The following TARDBP variants were observed in gnomAD, a reference collection of about 807,000 sequenced individuals.
The protein encoded by TARDBP is TAR DNA binding protein, also known as TAR DNA-binding protein 43.
Under a neutral mutation model 38.3 loss-of-function variants are expected in TARDBP, and 4 were observed. The ratio of observed to expected loss-of-function variants is 0.10; its 90% confidence interval spans 0.05 to 0.24. The LOEUF (loss-of-function observed/expected upper bound fraction) is 0.24, where lower values mean the gene tolerates loss of function less well. Among genes scored for constraint, TARDBP ranks in the 10% least tolerant of loss-of-function variants. TARDBP has a pLI of 1.00. For missense variants in TARDBP, 202 were observed against 521.9 expected (o/e 0.39, Z 5.97); for synonymous variants, 184 against 183.8 (o/e 1.00, Z -0.01).
chr1:11,013,723 A>G lies in TARDBP; in HGVS notation c.-5A>G, dbSNP rs200517396. The G allele has an allele frequency of 3.8e-6, 6 of 1,599,994 alleles. No homozygotes were observed. The Admixed American group carries it at 7.0e-5, about 19-fold the overall frequency. ...TATCTCTTTTCTCTTTAGGAAAAGT[A>G]AAAGATGTCTGAATATATTCGGGTA... is the stretch of plus-strand genomic sequence containing the variant. On this transcript the variant is annotated 5_prime_UTR_variant, in exon 2 of 6. Transcript: ENST00000240185.
At chr1:11,030,242 C>T (rs367583731), downstream of TARDBP, 1 of 1,612,608 alleles carries the variant, frequency 6.2e-7, no homozygotes, top group Middle Eastern at 1.6e-4. Context: ...GCCTCACACA[C>T]ATATTTACCT....
At chr1:11,030,307 T>C, downstream of TARDBP, 2 of 1,208,016 alleles carry the variant, frequency 1.7e-6, no homozygotes, top group Non-Finnish European at 1.2e-6. Flanking sequence ...TGGTTGTCAT[T>C]TGCTTGAATA....
intron 4 of TARDBP, chr1:11,019,283 T>C (rs1643588470): frequency 6.4e-6 from 2 of 312,322 alleles, no homozygotes; most frequent in African/African-American, 2.2e-5. Flanking sequence ...AAGAGATTGC[T>C]TATTTATTAA....
At position 11,025,069 on chromosome 1, in the gene TARDBP, A is replaced by G. The variant is rs533417171; in HGVS notation, c.*2415A>G. 5.9e-5 allele frequency: 9 copies of G among 152,596 alleles called. No individual in the cohort carries two copies. The highest frequency in any genetic ancestry group is 2.1e-4 in the South Asian group (1 of 4,826). 9.5% of individuals were successfully genotyped at this position (152,596 alleles called of 1,614,324 possible). A position where few individuals can be genotyped will look rare whatever the true frequency, so the allele number is the denominator to read the frequency against. On this transcript the variant is annotated 3_prime_UTR_variant, in exon 6 of 6. Coordinates refer to ENST00000240185, the MANE Select transcript of TARDBP (RefSeq NM_007375.4). The stretch of plus-strand genomic sequence containing the variant: ...TTTTTTTTTCTGCATCTGAATCTGC[A>G]TGATTTCCAAACCCTGTACCATCTG...
At chr1:11,013,350 C>T (rs1406290845) in intron 1 of TARDBP, among the ~76,000 whole-genome samples, 2 of 152,360 alleles carry the variant, frequency 1.3e-5, no homozygotes, top group East Asian at 1.9e-4. Flanking sequence ...TCCTCCTCTG[C>T]CTTCAGGATT....
chr1:11,014,980 G>C (rs533488620), intron 2 of TARDBP, among the ~76,000 whole-genome samples: 1 of 151,908 alleles, frequency 6.6e-6, no homozygotes, highest in Non-Finnish European at 1.5e-5. Context: ...GGTGGCGGGG[G>C]CCTGTAGTCC....
At chr1:11,014,255 T>C (rs1570712594) in intron 2 of TARDBP, among the ~76,000 whole-genome samples, 2 of 152,370 alleles carry the variant, frequency 1.3e-5, no homozygotes, top group East Asian at 3.9e-4. Flanking sequence ...TAAATCATTG[T>C]TGTAAATAGA....
downstream of TARDBP, chr1:11,027,441 A>G: frequency 6.2e-7 from 1 of 1,614,166 alleles, no homozygotes; most frequent in Non-Finnish European, 8.5e-7. Flanking sequence ...TAGTCTTTTC[A>G]GGGTGCCCAT....
downstream of TARDBP, chr1:11,030,020 G>A (rs367627703): frequency 5.7e-5 from 33 of 577,920 alleles, 1 homozygote; most frequent in Middle Eastern, 6.3e-4. Context: ...TATGGGAAGG[G>A]GGTAATGAGA....
chr1:11,012,758 C>G lies in TARDBP; in HGVS notation c.-13+15C>G, dbSNP rs1020614345. On this transcript the variant is annotated intron_variant, in intron 1 of 5. Coordinates refer to ENST00000240185, the MANE Select transcript of TARDBP (RefSeq NM_007375.4). ...CGGCCTAGCGGGTGAGTCGCGGAGC[C>G]TTCTCACTGAGGACGCCGTAGGTGC... 6.6e-6 allele frequency: 1 copy of G among 152,322 alleles called. No homozygotes were observed. The highest frequency in any genetic ancestry group is 1.5e-5 in the Non-Finnish European group (1 of 68,100). The allele number at this position is 152,322 out of a possible 1,614,324, so 9.4% of individuals were successfully genotyped here. A position where few individuals can be genotyped will look rare whatever the true frequency, so the allele number is the denominator to read the frequency against.
intron 2 of TARDBP, among the ~76,000 whole-genome samples, chr1:11,015,293 C>G (rs1643498459): frequency 6.6e-6 from 1 of 151,592 alleles, no homozygotes; most frequent in Non-Finnish European, 1.5e-5. Context: ...CAAGACCACC[C>G]TAGCCAACAT....
downstream of TARDBP, chr1:11,027,532 G>T: frequency 6.2e-7 from 1 of 1,614,148 alleles, no homozygotes. Context: ...TCATATAAAA[G>T]TGCACCTGCT....
intron 1 of TARDBP, among the ~76,000 whole-genome samples, chr1:11,013,049 C>T (rs1014975333): frequency 6.6e-6 from 1 of 152,236 alleles, no homozygotes; most frequent in Non-Finnish European, 1.5e-5. Context: ...CAGCTTGGGC[C>T]TGGTGCTCCT....
chr1:11,029,370 C>T (rs1643800998), downstream of TARDBP, among the ~76,000 whole-genome samples: 2 of 150,610 alleles, frequency 1.3e-5, 1 homozygote, highest in Admixed American at 1.3e-4. Flanking sequence ...CACTGCACTC[C>T]AACCTGGCAA....
Position 11,023,542 on chromosome 1 carries a change from C to G in TARDBP, c.*888C>G, listed in dbSNP as rs1424565928. 6.8e-6 allele frequency: 3 copies of G among 442,046 alleles called. No homozygotes were observed. The highest frequency in any genetic ancestry group is 4.0e-5 in the African/African-American group (2 of 50,228). The allele number at this position is 442,046 out of a possible 1,614,324, so 27.4% of individuals were successfully genotyped here. A position where few individuals can be genotyped will look rare whatever the true frequency, so the allele number is the denominator to read the frequency against. On this transcript the variant is annotated 3_prime_UTR_variant, in exon 6 of 6. Transcript: ENST00000240185. ...GTGGTGCATAATGGATATTTTTTAACTTGGCGAGATGTGTCTCTCAATCCT... is the reference window on the plus strand; with the variant it reads ...GTGGTGCATAATGGATATTTTTTAAGTTGGCGAGATGTGTCTCTCAATCCT...
chr1:11,025,826 A>G (rs972182409), downstream of TARDBP: 1 of 154,816 alleles, frequency 6.5e-6, no homozygotes, highest in African/African-American at 2.4e-5. Flanking sequence ...GTAGGAAGTT[A>G]ACTACTCCGT....
At chr1:11,013,106 C>T (rs1304705844) in intron 1 of TARDBP, among the ~76,000 whole-genome samples, 1 of 152,240 alleles carries the variant, frequency 6.6e-6, no homozygotes, top group Non-Finnish European at 1.5e-5. Context: ...TCGGCTGGCA[C>T]GCGCGGGCTT....
downstream of TARDBP, chr1:11,027,034 C>T (rs765574358): frequency 1.3e-6 from 2 of 1,596,978 alleles, no homozygotes; most frequent in Non-Finnish European, 8.5e-7. Context: ...TCTAGAAACA[C>T]CAGTGCCCCT....
chr1:11,014,916 A>C (rs1292800372), intron 2 of TARDBP, among the ~76,000 whole-genome samples: 1 of 150,382 alleles, frequency 6.6e-6, no homozygotes, highest in Non-Finnish European at 1.5e-5. Flanking sequence ...AGCCTGGGCA[A>C]CAAGAGCGAA....
Sources: allele counts gnomAD v4.1 joint callset (sites outside exome capture counted in the v4.1 genomes callset), GRCh38; gene constraint gnomAD v4.1.1; transcripts MANE v1.5; gene names NCBI Gene and HGNC (gene_info 2026-07-23, HGNC 2026-07-21).